EXOC4: variants seen among roughly 807,000 people sequenced by gnomAD.
EXOC4 encodes the protein exocyst complex component 4, also known as SEC8-like 1.
Under a neutral mutation model 107.2 loss-of-function variants are expected in EXOC4, and 71 were observed. The ratio of observed to expected loss-of-function variants is 0.66; its 90% CI spans 0.55 to 0.81. The LOEUF (loss-of-function observed/expected upper bound fraction) is 0.81, where lower values mean the gene tolerates loss of function less well. EXOC4 is among the 30% of genes least tolerant of loss of function. EXOC4 has a pLI of 0.00. For missense variants in EXOC4, 1,108 were observed against 1,189.6 expected (o/e 0.93, Z 1.01); for synonymous variants, 456 against 441.2 (o/e 1.03, Z -0.42).
At chr7:133,327,136 C>T (rs1795264842) in intron 5 of EXOC4, among the ~76,000 whole-genome samples, 1 of 152,232 alleles carries the variant, frequency 6.6e-6, no homozygotes, top group Admixed American at 6.5e-5. Flanking sequence ...AAAGGGAATT[C>T]TCTGACCCCT....
intron 9 of EXOC4, among the ~76,000 whole-genome samples, chr7:133,533,721 ATTTGTTTTATAAT>A (rs1260977459): frequency 6.6e-6 from 1 of 152,098 alleles, no homozygotes; most frequent in Non-Finnish European, 1.5e-5. Flanking sequence ...TTTTCTGTTT[ATTTGTTTTATAAT>A]TTTGTTTTAT....
chr7:134,006,246 C>A (rs955535764), intron 16 of EXOC4, among the ~76,000 whole-genome samples: 2 of 151,868 alleles, frequency 1.3e-5, no homozygotes, highest in Non-Finnish European at 2.9e-5. Flanking sequence ...AAACAGCATA[C>A]CCCTTCATTG....
At chr7:133,772,446 C>T (rs769881730) in intron 10 of EXOC4, among the ~76,000 whole-genome samples, 2 of 151,960 alleles carry the variant, frequency 1.3e-5, no homozygotes, top group Non-Finnish European at 1.5e-5. Context: ...CATCTATTCT[C>T]ACATGTGCAC....
At chr7:133,433,335 C>A (rs754983176) in intron 7 of EXOC4, among the ~76,000 whole-genome samples, 5 of 152,138 alleles carry the variant, frequency 3.3e-5, no homozygotes, top group Non-Finnish European at 7.3e-5. Context: ...CTTGATATAA[C>A]CAATGGAATG....
At chr7:134,056,020 C>T (rs901163008) in intron 17 of EXOC4, among the ~76,000 whole-genome samples, 1 of 151,982 alleles carries the variant, frequency 6.6e-6, no homozygotes, top group African/African-American at 2.4e-5. Flanking sequence ...TTGAAAAAGC[C>T]GTAGGGCCTC....
intron 9 of EXOC4, among the ~76,000 whole-genome samples, chr7:133,513,070 A>T (rs1468102497): frequency 6.6e-6 from 1 of 152,146 alleles, no homozygotes; most frequent in South Asian, 2.1e-4. Flanking sequence ...GCGCCACTGC[A>T]CTCCATCTTG....
intron 9 of EXOC4, among the ~76,000 whole-genome samples, chr7:133,626,898 AC>A (rs1291211844): frequency 6.6e-6 from 1 of 152,208 alleles, no homozygotes; most frequent in East Asian, 1.9e-4. Context: ...AGATTTGCTT[AC>A]CTGTATTAGT....
intron 17 of EXOC4, among the ~76,000 whole-genome samples, chr7:134,059,446 C>T (rs369041051): frequency 3.9e-5 from 6 of 152,130 alleles, no homozygotes; most frequent in South Asian, 2.1e-4. Flanking sequence ...TATACATACA[C>T]GCATACCTAC....
intron 5 of EXOC4, among the ~76,000 whole-genome samples, chr7:133,356,076 A>G (rs1402514607): frequency 2.0e-5 from 3 of 152,174 alleles, no homozygotes; most frequent in Non-Finnish European, 2.9e-5. Context: ...GTCTGTGGAA[A>G]ACTTCCCATG....
chr7:133,569,290 A>G (rs886190132), intron 9 of EXOC4, among the ~76,000 whole-genome samples: 1 of 152,232 alleles, frequency 6.6e-6, no homozygotes, highest in Non-Finnish European at 1.5e-5. Context: ...TGTACAGCCA[A>G]TAAAAGCAAG....
chr7:133,370,197 G>A (rs1488595674), intron 6 of EXOC4, among the ~76,000 whole-genome samples: 1 of 134,146 alleles, frequency 7.5e-6, no homozygotes. Context: ...AATCAGTTTA[G>A]GAAGTTTATT....
intron 10 of EXOC4, among the ~76,000 whole-genome samples, chr7:133,640,883 T>C (rs373561586): frequency 6.6e-6 from 1 of 150,450 alleles, no homozygotes; most frequent in Non-Finnish European, 1.5e-5. Flanking sequence ...TTTTTTTTTT[T>C]AAGAGAGAGG....
At chr7:133,772,510 C>T (rs1796264483) in intron 10 of EXOC4, among the ~76,000 whole-genome samples, 1 of 124,108 alleles carries the variant, frequency 8.1e-6, no homozygotes, top group Non-Finnish European at 1.7e-5. Context: ...GCACATGTAC[C>T]CTAAAACTTA....
chr7:134,097,374 G>GA, the EXOC4 span, among the ~76,000 whole-genome samples: 92 of 143,258 alleles, frequency 6.4e-4, no homozygotes, highest in South Asian at 2.0e-3. Flanking sequence ...GTTACAGATA[G>GA]AAAAAAAAAA....
At chr7:133,844,047 C>A (rs1464352082) in intron 11 of EXOC4, among the ~76,000 whole-genome samples, 1 of 152,120 alleles carries the variant, frequency 6.6e-6, no homozygotes, top group African/African-American at 2.4e-5. Flanking sequence ...TTTTGATGTG[C>A]TGCTGGATTC....
At chr7:133,450,609 C>G (rs558300168) in intron 7 of EXOC4, among the ~76,000 whole-genome samples, 2 of 152,246 alleles carry the variant, frequency 1.3e-5, no homozygotes, top group African/African-American at 4.8e-5. Flanking sequence ...AACATATGTG[C>G]TAATGAAATC....
chr7:133,471,326 C>G (rs1300284544), intron 7 of EXOC4, among the ~76,000 whole-genome samples: 2 of 151,512 alleles, frequency 1.3e-5, no homozygotes, highest in Non-Finnish European at 2.9e-5. Flanking sequence ...GCAGGAGAAT[C>G]GCTTGAACCT....
At chr7:134,024,635 G>A (rs1457160051) in intron 17 of EXOC4, among the ~76,000 whole-genome samples, 1 of 152,014 alleles carries the variant, frequency 6.6e-6, no homozygotes, top group Non-Finnish European at 1.5e-5. Flanking sequence ...TATGTTTAAG[G>A]AATTCCCCAC....
At position 133,501,887 on chromosome 7, in the gene EXOC4, G is replaced by A. The variant is rs376962196; in HGVS notation, c.1417+21749G>A. Among the ~76,000 whole-genome samples, 7 of 152,234 alleles carry A rather than the reference G, an allele frequency of 4.6e-5. No individual in the cohort carries two copies. In the South Asian group the frequency reaches 6.2e-4, roughly 14 times the overall value. On this transcript the variant is annotated intron_variant, in intron 9 of 17. Coordinates refer to ENST00000253861, the MANE Select transcript of EXOC4 (RefSeq NM_021807.4). ...TAAGCCCACTTATTATTTCCTCTGC[G>A]TGTGTTTTTTCTGGTTTAGCGGATT...
Sources: allele counts gnomAD v4.1 joint callset (sites outside exome capture counted in the v4.1 genomes callset), GRCh38; gene constraint gnomAD v4.1.1; transcripts MANE v1.5; gene names NCBI Gene and HGNC (gene_info 2026-07-23, HGNC 2026-07-21).